PTPRR: variants seen among roughly 807,000 people sequenced by gnomAD.
PTPRR encodes the protein receptor-type tyrosine-protein phosphatase R.
Under a neutral mutation model 77.2 loss-of-function variants are expected in PTPRR, and 38 were observed. The observed-to-expected ratio is 0.49, with a 90% CI of 0.38 to 0.65. PTPRR has a LOEUF of 0.65. PTPRR is among the 30% of genes least tolerant of loss of function. The probability of loss-of-function intolerance (pLI) is 0.00; values close to 1 mark genes in which losing one functional copy is unlikely to be tolerated. For synonymous variants in PTPRR, 299 were observed against 283.1 expected, an observed-to-expected ratio of 1.06 and a Z score of -0.57; for missense variants, 744 against 799.2, an observed-to-expected ratio of 0.93 and a Z score of 0.83.
intron 1 of PTPRR, among the ~76,000 whole-genome samples, chr12:70,913,524 T>A (rs893375707): frequency 1.3e-5 from 2 of 152,144 alleles, no homozygotes. Flanking sequence ...TTTATCTAAC[T>A]CTTTGAGCTC....
chr12:70,708,963 G>T (rs1330566155), intron 6 of PTPRR, among the ~76,000 whole-genome samples: 2 of 151,742 alleles, frequency 1.3e-5, no homozygotes, highest in Non-Finnish European at 2.9e-5. Flanking sequence ...TCATTTATTT[G>T]TAAGGCCAGA....
chr12:70,705,633 T>C (rs1888591997), intron 6 of PTPRR, among the ~76,000 whole-genome samples: 1 of 152,042 alleles, frequency 6.6e-6, no homozygotes. Flanking sequence ...TATCTTGAAA[T>C]ACTTGAAATG....
chr12:70,668,894 T>C (rs1887111045), intron 10 of PTPRR, among the ~76,000 whole-genome samples: 1 of 152,200 alleles, frequency 6.6e-6, no homozygotes, highest in Admixed American at 6.5e-5. Context: ...AAAAAAACTT[T>C]CTTGGAATGT....
intron 2 of PTPRR, among the ~76,000 whole-genome samples, chr12:70,765,549 T>A (rs1053606999): frequency 6.6e-6 from 1 of 152,186 alleles, no homozygotes. Flanking sequence ...CAAGGAGGCC[T>A]GCCTGCCTCT....
At chr12:70,737,978 G>A (rs1043893191) in intron 6 of PTPRR, among the ~76,000 whole-genome samples, 6 of 152,278 alleles carry the variant, frequency 3.9e-5, no homozygotes, top group Admixed American at 1.3e-4. Context: ...TTTAAGCATC[G>A]AAATGTACCT....
At chr12:70,847,092 G>T (rs1205030818) in intron 2 of PTPRR, among the ~76,000 whole-genome samples, 2 of 152,134 alleles carry the variant, frequency 1.3e-5, no homozygotes, top group African/African-American at 4.8e-5. Flanking sequence ...TGAAGGATGT[G>T]AAAAACAAAC....
At chr12:70,754,508 G>T (rs1485492587) in intron 4 of PTPRR, 1 of 1,576,272 alleles carries the variant, frequency 6.3e-7, no homozygotes, top group Non-Finnish European at 8.5e-7. Flanking sequence ...CTCCTATGCA[G>T]GAGCAAGCGT....
intron 10 of PTPRR, among the ~76,000 whole-genome samples, chr12:70,676,992 T>C (rs1372659228): frequency 1.3e-5 from 2 of 152,120 alleles, no homozygotes; most frequent in African/African-American, 4.8e-5. Context: ...ATTGAATCTA[T>C]TGATTGTTTA....
intron 2 of PTPRR, among the ~76,000 whole-genome samples, chr12:70,855,766 T>A (rs1000136308): frequency 1.3e-5 from 2 of 152,210 alleles, no homozygotes; most frequent in African/African-American, 4.8e-5. Flanking sequence ...GAAAAGTTAT[T>A]CGTTTTTAAG....
intron 2 of PTPRR, among the ~76,000 whole-genome samples, chr12:70,866,677 T>C (rs993380771): frequency 4.6e-5 from 7 of 152,210 alleles, no homozygotes; most frequent in African/African-American, 1.7e-4. Flanking sequence ...CCCTAACTCA[T>C]TTTATGAGGC....
At chr12:70,821,314 T>C (rs1408190833) in intron 2 of PTPRR, among the ~76,000 whole-genome samples, 1 of 140,024 alleles carries the variant, frequency 7.1e-6, no homozygotes, top group South Asian at 2.4e-4. Context: ...AACTTCCGCC[T>C]CCCGGGTACA....
chr12:70,681,694 C>CT (rs994571910), intron 10 of PTPRR, among the ~76,000 whole-genome samples: 5 of 151,944 alleles, frequency 3.3e-5, no homozygotes, highest in Non-Finnish European at 5.9e-5. Context: ...TGTTTTGGCT[C>CT]TTTTTTTTGG....
Position 70,698,233 on chromosome 12 carries a change from T to C in PTPRR, c.1279+32A>G, listed in dbSNP as rs1362488300. ...TGGCTATCCCTCCCCTTGCCCCCCATACAATGCAAATTATAAAATCAAGAA... is the reference window on the plus strand; with the variant it reads ...TGGCTATCCCTCCCCTTGCCCCCCACACAATGCAAATTATAAAATCAAGAA... On this transcript the variant is annotated intron_variant, in intron 8 of 13. Coordinates refer to ENST00000283228, the MANE Select transcript of PTPRR (RefSeq NM_002849.4). The C allele has an allele frequency of 3.8e-6, 6 of 1,587,128 alleles. No homozygotes were observed. The Admixed American group carries it at 6.7e-5, about 18-fold the overall frequency.
At chr12:70,655,498 C>T (rs547912978) in intron 13 of PTPRR, among the ~76,000 whole-genome samples, 2 of 152,278 alleles carry the variant, frequency 1.3e-5, no homozygotes, top group East Asian at 3.9e-4. Context: ...CAACTGAAGT[C>T]TTCATCAATT....
intron 1 of PTPRR, among the ~76,000 whole-genome samples, chr12:70,895,986 G>A (rs1388411657): frequency 6.6e-6 from 1 of 151,514 alleles, no homozygotes; most frequent in African/African-American, 2.4e-5. Context: ...AGGTGTAGAA[G>A]CGCAAGAAAC....
chr12:70,766,787 G>A (rs1488819962), intron 2 of PTPRR, among the ~76,000 whole-genome samples: 2 of 152,108 alleles, frequency 1.3e-5, no homozygotes, highest in Non-Finnish European at 2.9e-5. Context: ...ACCCACAACG[G>A]GAAGCCCATC....
At chr12:70,710,453 A>G (rs1888784940) in intron 6 of PTPRR, among the ~76,000 whole-genome samples, 1 of 152,210 alleles carries the variant, frequency 6.6e-6, no homozygotes, top group African/African-American at 2.4e-5. Context: ...AAATCCTTTA[A>G]GAAAATCCAG....
At chr12:70,843,896 A>G (rs1892439675) in intron 2 of PTPRR, among the ~76,000 whole-genome samples, 1 of 150,728 alleles carries the variant, frequency 6.6e-6, no homozygotes, top group Non-Finnish European at 1.5e-5. Context: ...GCTCACTGCA[A>G]CACCTGCCTC....
chr12:70,913,915 T>C (rs1893737233), intron 1 of PTPRR, among the ~76,000 whole-genome samples: 1 of 152,190 alleles, frequency 6.6e-6, no homozygotes, highest in Non-Finnish European at 1.5e-5. Context: ...AGCATAGTTC[T>C]AGGGAATAAG....
Sources: gnomAD v4.1 joint callset for allele counts (sites outside exome capture counted in the v4.1 genomes callset) on GRCh38, gnomAD v4.1.1 for gene constraint, MANE v1.5 for transcripts, NCBI Gene and HGNC (gene_info 2026-07-23, HGNC 2026-07-21) for gene names.